Variants in MISP observed in about 807,000 individuals in gnomAD.
The protein encoded by MISP is mitotic interactor and substrate of PLK1.
Under a neutral mutation model 49.3 loss-of-function variants are expected in MISP, and 51 were observed. That is an observed-to-expected ratio of 1.03 (90% CI 0.83 to 1.31). The LOEUF (loss-of-function observed/expected upper bound fraction) is 1.31, where lower values mean the gene tolerates loss of function less well. MISP is among the 50% of genes most tolerant of loss of function. The pLI, the probability that MISP is intolerant of heterozygous loss-of-function variation, is 0.00. For synonymous variants in MISP, 444 were observed against 392.6 expected, an observed-to-expected ratio of 1.13 and a Z score of -1.55; for missense variants, 1,084 against 935.1, an observed-to-expected ratio of 1.16 and a Z score of -2.08.
At chr19:750,139 G>A (rs147993615), upstream of MISP, among the ~76,000 whole-genome samples, 146 of 150,754 alleles carry the variant, frequency 9.7e-4, no homozygotes, top group Non-Finnish European at 1.5e-3. Flanking sequence ...GGGCCTCTGC[G>A]TCCCCATCTC....
chr19:758,636 G>T lies in MISP; in HGVS notation c.1690G>T (p.Glu564Ter). ...GCGCCGGGAGCAAGAGGTGGCAGAGGAGCGGAGAAATGCTCTCTTCCCAGA... is the reference window on the plus strand; with the variant it reads ...GCGCCGGGAGCAAGAGGTGGCAGAGTAGCGGAGAAATGCTCTCTTCCCAGA... ...VLRREQEVAEERRNALFPEVF... is the reference protein window; with the variant it reads ...VLRREQEVAE The change falls in exon 2 of 5, where the codon GAG becomes TAG. Residue 564 changes from glutamate (E) to a stop codon, truncating the protein, a stop_gained. Coordinates refer to ENST00000215582, the MANE Select transcript of MISP (RefSeq NM_173481.4). LOFTEE classifies it high-confidence loss of function. The T allele has an allele frequency of 6.2e-7, 1 of 1,614,242 alleles. No individual in the cohort carries two copies. Among genetic ancestry groups the T allele is most frequent in the Non-Finnish European group, 8.5e-7 (1 of 1,180,042 alleles).
chr19:759,976 G>A lies in MISP; in HGVS notation c.1848G>A (p.Val616=). ...FFSPIHLHSN[V]AWTVEDPVDS... ...GCCCCATCCACCTACACTCAAACGT[G>A]GCGTGGACAGTGGAAGATCCAGTGG... The change falls in exon 3 of 5, where the codon GTG becomes GTA. Residue 616 remains valine, a synonymous_variant. Coordinates refer to ENST00000215582, the MANE Select transcript of MISP (RefSeq NM_173481.4). The A allele has an allele frequency of 6.2e-7, 1 of 1,614,076 alleles. No homozygotes were observed. The highest frequency in any genetic ancestry group is 8.5e-7 in the Non-Finnish European group (1 of 1,179,988).
In MISP at chr19:758,544, C is replaced by T; in HGVS notation, c.1598C>T (p.Ala533Val). Residue 533 changes from alanine to valine, a missense_variant, in exon 2 of 5, where the codon GCC (alanine) becomes GTC (valine). By Grantham distance (64) the Ala-to-Val change is moderately conservative (BLOSUM62 0). Coordinates refer to ENST00000215582, the MANE Select transcript of MISP (RefSeq NM_173481.4). ...GTCTGGGGCTGGGAGGTGGCTGGGG[C>T]CCCTGCACTGAGGCTGCAGAAGTCC... ...PHVWGWEVAG[A>V]PALRLQKSQS... The T allele has an allele frequency of 6.2e-7, 1 of 1,614,134 alleles. No individual in the cohort carries two copies. Among genetic ancestry groups the T allele is most frequent in the Non-Finnish European group, 8.5e-7 (1 of 1,179,988 alleles).
At chr19:753,623 G>A (rs937478712) in intron 1 of MISP, among the ~76,000 whole-genome samples, 3 of 151,694 alleles carry the variant, frequency 2.0e-5, no homozygotes, top group Non-Finnish European at 2.9e-5. Flanking sequence ...TCCTGACCTC[G>A]TGATCCGCCA....
At chr19:759,165 A>G (rs1167484033) in intron 2 of MISP, among the ~76,000 whole-genome samples, 3 of 151,858 alleles carry the variant, frequency 2.0e-5, no homozygotes, top group Non-Finnish European at 4.4e-5. Flanking sequence ...CTGGGATTAC[A>G]GGTGCCCACC....
upstream of MISP, among the ~76,000 whole-genome samples, chr19:750,419 C>T (rs1170386715): frequency 6.6e-6 from 1 of 151,994 alleles, no homozygotes; most frequent in South Asian, 2.1e-4. Context: ...AGGCTGGTCT[C>T]GAACTCCTGG....
Position 758,641 on chromosome 19 carries a change from G to A in MISP, c.1695G>A (p.Arg565=). The change falls in exon 2 of 5, where the codon CGG becomes CGA. Residue 565 remains arginine, a synonymous_variant. Coordinates refer to ENST00000215582, the MANE Select transcript of MISP (RefSeq NM_173481.4). The stretch of plus-strand genomic sequence containing the variant: ...GGGAGCAAGAGGTGGCAGAGGAGCG[G>A]AGAAATGCTCTCTTCCCAGAGGTCT... The part of the protein sequence containing the change: ...LRREQEVAEE[R]RNALFPEVFS... 1 of 1,614,250 alleles carries A rather than the reference G, an allele frequency of 6.2e-7. No individual in the cohort carries two copies. The highest frequency in any genetic ancestry group is 1.1e-5 in the South Asian group (1 of 91,090).
rs369172873 is a variant in MISP, at chr19:758,227, G to C, written c.1281G>C (p.Pro427=). 1.2e-6 allele frequency: 2 copies of C among 1,613,096 alleles called. No homozygotes were observed. The highest frequency in any genetic ancestry group is 2.2e-5 in the South Asian group (2 of 91,052). The change falls in exon 2 of 5, where the codon CCG becomes CCC. Residue 427 remains proline, a synonymous_variant. Coordinates refer to ENST00000215582, the MANE Select transcript of MISP (RefSeq NM_173481.4). ...VNRIPPDAYQ[P]YLSPGTPQLE... ...GCATCCCACCTGATGCCTACCAGCC[G>C]TACCTGAGCCCCGGGACCCCCCAGC... is the stretch of plus-strand genomic sequence containing the variant.
chr19:757,882 G>A lies in MISP; in HGVS notation c.936G>A (p.Gly312=). The part of the protein sequence containing the change: ...EREADLREQR[G]LRQATDHQEL... ...AGGCAGACCTGCGAGAGCAGAGGGGGCTTCGGCAGGCAACCGACCACCAGG... is the reference window on the plus strand; with the variant it reads ...AGGCAGACCTGCGAGAGCAGAGGGGACTTCGGCAGGCAACCGACCACCAGG... The change falls in exon 2 of 5, where the codon GGG becomes GGA. Residue 312 remains glycine (G), a synonymous_variant. Coordinates refer to ENST00000215582, the MANE Select transcript of MISP (RefSeq NM_173481.4). 1.9e-6 allele frequency: 3 copies of A among 1,607,136 alleles called. No homozygotes were observed. The South Asian group carries it at 3.3e-5, about 18-fold the overall frequency.
chr19:757,646 T>C lies in MISP; in HGVS notation c.700T>C (p.Phe234Leu), dbSNP rs1157212605. Residue 234 changes from phenylalanine to leucine, a missense_variant, in exon 2 of 5, where the codon TTC becomes CTC. Phe to Leu is a conservative substitution (Grantham distance 22, BLOSUM62 0). Transcript: ENST00000215582. ...AGGGGCCAGCCAGGCCCCCAAGGCCTTCAACAAGCCCCACCTGGCCAACGG... is the reference window on the plus strand; with the variant it reads ...AGGGGCCAGCCAGGCCCCCAAGGCCCTCAACAAGCCCCACCTGGCCAACGG... Reference protein sequence around the residue: ...TPGASQAPKAFNKPHLANGHV... With the variant: ...TPGASQAPKALNKPHLANGHV... 1 of 1,613,148 alleles carries C rather than the reference T, an allele frequency of 6.2e-7. No individual in the cohort carries two copies. Among genetic ancestry groups the C allele is most frequent in the Non-Finnish European group, 8.5e-7 (1 of 1,179,764 alleles).
chr19:756,501 C>T (rs1006687671), intron 1 of MISP, among the ~76,000 whole-genome samples: 1 of 152,132 alleles, frequency 6.6e-6, no homozygotes, highest in East Asian at 1.9e-4. Flanking sequence ...CAGGCTGGGC[C>T]ATTTACTCAT....
chr19:754,977 C>T (rs532579784), intron 1 of MISP, among the ~76,000 whole-genome samples: 2 of 101,596 alleles, frequency 2.0e-5, no homozygotes, highest in South Asian at 3.2e-4. Context: ...GAGGGCCTGG[C>T]TTGGGGTGGA....
At chr19:755,435 A>G (rs773434224) in intron 1 of MISP, among the ~76,000 whole-genome samples, 1 of 152,016 alleles carries the variant, frequency 6.6e-6, no homozygotes, top group South Asian at 2.1e-4. Context: ...GAGAACCAGG[A>G]TGTGGGAGCC....
intron 1 of MISP, among the ~76,000 whole-genome samples, chr19:756,648 A>T (rs780044128): frequency 6.7e-6 from 1 of 148,838 alleles, no homozygotes; most frequent in Non-Finnish European, 1.5e-5. Flanking sequence ...GCACCCCTAA[A>T]CCAATCACAG....
Position 759,973 on chromosome 19 carries a change from C to T in MISP, c.1845C>T (p.Asn615=), listed in dbSNP as rs371491651. Residue 615 remains asparagine, a synonymous_variant, in exon 3 of 5, where the codon AAC becomes AAT. Transcript: ENST00000215582. ...TCAGCCCCATCCACCTACACTCAAA[C>T]GTGGCGTGGACAGTGGAAGATCCAG... ...PFFSPIHLHS[N]VAWTVEDPVD... is the part of the protein sequence containing the mutation. 29 of 1,613,972 alleles carry T rather than the reference C, an allele frequency of 1.8e-5. No individual in the cohort carries two copies. The highest frequency in any genetic ancestry group is 4.0e-5 in the African/African-American group (3 of 74,910).
Position 757,617 on chromosome 19 carries a change from C to G in MISP, c.671C>G (p.Thr224Ser), listed in dbSNP as rs1314950883. 2 of 1,612,550 alleles carry G rather than the reference C, an allele frequency of 1.2e-6. No homozygotes were observed. Among genetic ancestry groups the G allele is most frequent in the East Asian group, 4.5e-5 (2 of 44,828 alleles). Residue 224 changes from threonine (T) to serine (S), a missense_variant, in exon 2 of 5, where the codon ACC (threonine) becomes AGC (serine). Physicochemically the swap from Thr to Ser is moderately conservative, Grantham distance 58. Coordinates refer to ENST00000215582, the MANE Select transcript of MISP (RefSeq NM_173481.4). The stretch of plus-strand genomic sequence containing the variant: ...GCCAGGGGGACCCCTGCAGGCACAA[C>G]CCCAGGGGCCAGCCAGGCCCCCAAG... ...SPARGTPAGT[T>S]PGASQAPKAF...
intron 1 of MISP, 129 bp from the exon 2 acceptor site, chr19:756,761 G>T (rs1039673005): frequency 5.1e-6 from 3 of 594,050 alleles, no homozygotes; most frequent in Non-Finnish European, 5.9e-6. Flanking sequence ...GCTGGACTGT[G>T]TCACTTACCC....
chr19:752,723 G>C (rs1206165774), intron 1 of MISP, among the ~76,000 whole-genome samples: 5 of 140,730 alleles, frequency 3.6e-5, no homozygotes, highest in Non-Finnish European at 7.7e-5. Context: ...GCACCTGCTC[G>C]AGGCTGGGCG....
chr19:761,215 G>A (rs1420166871), intron 3 of MISP, among the ~76,000 whole-genome samples: 15 of 143,110 alleles, frequency 1.0e-4, no homozygotes, highest in African/African-American at 2.8e-4. Flanking sequence ...TCGGCCTCCC[G>A]TGTAGCTGGA....
Sources: gnomAD v4.1 joint callset for allele counts (sites outside exome capture counted in the v4.1 genomes callset) on GRCh38, gnomAD v4.1.1 for gene constraint, MANE v1.5 for transcripts, NCBI Gene and HGNC (gene_info 2026-07-23, HGNC 2026-07-21) for gene names.